The following FBXO6 variants were observed in gnomAD, a reference collection of about 807,000 sequenced individuals.
The protein encoded by FBXO6 is F-box only protein 6.
FBXO6 carries 13 observed loss-of-function variants against 25.0 expected under a neutral mutation model. The ratio of observed to expected loss-of-function variants is 0.52; its 90% CI spans 0.34 to 0.83. The LOEUF is 0.83. FBXO6 is among the 40% of genes least tolerant of loss of function. The pLI, the probability that FBXO6 is intolerant of heterozygous loss-of-function variation, is 0.02. For missense variants in FBXO6, 370 were observed against 380.2 expected (o/e 0.97, Z 0.22); for synonymous variants, 138 against 155.3 (o/e 0.89, Z 0.83).
At chr1:11,670,121 G>A (rs1452681697) in intron 2 of FBXO6, among the ~76,000 whole-genome samples, 1 of 151,052 alleles carries the variant, frequency 6.6e-6, no homozygotes, top group Non-Finnish European at 1.5e-5. Context: ...GCTGAGGCAG[G>A]AGAATAGCGT....
Position 11,673,321 on chromosome 1 carries a change from T to C in FBXO6, c.554T>C (p.Val185Ala). ...ADCGCTYQLK[V>A]QLASADYFVL... ...TGTGGCTGCACCTACCAACTCAAAG[T>C]GCAGCTGGCCTCGGCTGACTACTTC... Residue 185 changes from valine (V) to alanine (A), a missense_variant, in exon 5 of 6, where the codon GTG becomes GCG. Coordinates refer to ENST00000376753, the MANE Select transcript of FBXO6 (RefSeq NM_018438.6). The surrounding 1 kb of genome is among the most constrained non-coding windows in gnomAD (Gnocchi z 4.3). 3 of 1,614,050 alleles carry C rather than the reference T, an allele frequency of 1.9e-6. No individual in the cohort carries two copies. The highest frequency in any genetic ancestry group is 2.5e-6 in the Non-Finnish European group (3 of 1,180,010).
intron 2 of FBXO6, 78 bp downstream of exon 2, chr1:11,669,022 C>G (rs920239921): frequency 1.3e-6 from 2 of 1,532,842 alleles, no homozygotes; most frequent in Non-Finnish European, 1.8e-6. Flanking sequence ...GCAATTCCCA[C>G]ACTACCTGGA....
At chr1:11,672,452 A>AT (rs144280236) in intron 4 of FBXO6, among the ~76,000 whole-genome samples, 48,605 of 151,230 alleles carry the variant, frequency 0.32, 9,308 homozygotes, top group African/African-American at 0.54. Context: ...ACACCCGGCT[A>AT]TTTTTTTTTA....
At chr1:11,668,401 GT>G (rs58492433) in intron 1 of FBXO6, among the ~76,000 whole-genome samples, 269 of 142,524 alleles carry the variant, frequency 1.9e-3, no homozygotes, top group Non-Finnish European at 2.0e-3. Context: ...TCTTTTGTGG[GT>G]TTTTTTTTTT....
chr1:11,669,191 C>A (rs755133130), intron 2 of FBXO6, among the ~76,000 whole-genome samples: 1 of 152,208 alleles, frequency 6.6e-6, no homozygotes, highest in Non-Finnish European at 1.5e-5. Flanking sequence ...TTTCACAAGG[C>A]GCGGTGGCTC....
At chr1:11,672,654 C>T (rs1640653229) in intron 4 of FBXO6, among the ~76,000 whole-genome samples, 1 of 152,156 alleles carries the variant, frequency 6.6e-6, no homozygotes, top group African/African-American at 2.4e-5. Flanking sequence ...GGTGGGAACC[C>T]CCAGGTCCCC....
chr1:11,668,091 CAA>C (rs371283288), intron 1 of FBXO6, among the ~76,000 whole-genome samples: 8 of 122,380 alleles, frequency 6.5e-5, no homozygotes, highest in Non-Finnish European at 6.8e-5. Context: ...GACTCTGTCT[CAA>C]AAAAAAAAAA....
intron 1 of FBXO6, among the ~76,000 whole-genome samples, chr1:11,667,855 G>T (rs557502454): frequency 6.6e-6 from 1 of 152,176 alleles, no homozygotes; most frequent in South Asian, 2.1e-4. Flanking sequence ...CACTTTGGGA[G>T]GCCGAGGTGG....
rs1640670386 is a variant in FBXO6 at position 11,673,106 on chromosome 1, C to T, written c.510-171C>T. The stretch of plus-strand genomic sequence containing the variant: ...CCAGCATGGACAGACAGCTTATCCC[C>T]GGGCCACAGTGGGGCATAGGGAGCG... On this transcript the variant is annotated intron_variant, in intron 4 of 5. Transcript: ENST00000376753. The surrounding 1 kb of genome is among the most constrained non-coding windows in gnomAD (Gnocchi z 4.3). Among the ~76,000 whole-genome samples, 2 of 152,200 alleles carry T rather than the reference C, an allele frequency of 1.3e-5. No homozygotes were observed. Among genetic ancestry groups the T allele is most frequent in the Non-Finnish European group, 2.9e-5 (2 of 68,024 alleles).
chr1:11,669,010 T>A, intron 2 of FBXO6, 66 bp downstream of exon 2: 1 of 1,567,760 alleles, frequency 6.4e-7, no homozygotes, highest in South Asian at 1.2e-5. Context: ...GCCTTGGCAC[T>A]TGCAATTCCC....
Position 11,673,335 on chromosome 1 carries a change from G to C in FBXO6, c.568G>C (p.Ala190Pro). The C allele has an allele frequency of 6.2e-7, 1 of 1,614,062 alleles. No individual in the cohort carries two copies. The highest frequency in any genetic ancestry group is 8.5e-7 in the Non-Finnish European group (1 of 1,180,006). Residue 190 changes from alanine (A) to proline (P), a missense_variant, in exon 5 of 6, where the codon GCT becomes CCT. Physicochemically the swap from Ala to Pro is conservative, Grantham distance 27. Transcript: ENST00000376753. This position sits in a 1 kb window ranked among gnomAD's most constrained non-coding sequence, Gnocchi z 4.3. ...TYQLKVQLASADYFVLASFEP... is the reference protein window; with the variant it reads ...TYQLKVQLASPDYFVLASFEP... Reference sequence around the variant, plus strand: ...CCAACTCAAAGTGCAGCTGGCCTCGGCTGACTACTTCGTGTTGGCCTCCTT... The same window carrying C: ...CCAACTCAAAGTGCAGCTGGCCTCGCCTGACTACTTCGTGTTGGCCTCCTT...
Position 11,668,643 on chromosome 1 carries a change from G to C in FBXO6, c.-3-13G>C. The C allele has an allele frequency of 6.2e-7, 1 of 1,605,294 alleles. No individual in the cohort carries two copies. Among genetic ancestry groups the C allele is most frequent in the Non-Finnish European group, 8.5e-7 (1 of 1,172,926 alleles). ...CTCCCTGGTCAGGCTCATAACTGCT[G>C]TTGCCCCCACAGGCCATGGATGCTC... is the stretch of plus-strand genomic sequence containing the variant. On this transcript the variant is annotated splice_polypyrimidine_tract_variant and intron_variant, in intron 1 of 5. Transcript: ENST00000376753.
In FBXO6 at chr1:11,673,163, G is replaced by C. The variant is rs898371498; in HGVS notation, c.510-114G>C. ...CCAGCTGGGCCTTGCAGGCAGAGCA[G>C]TGTCAGCTGATGGGAGATGAAGCTC... On this transcript the variant is annotated intron_variant, in intron 4 of 5. Coordinates refer to ENST00000376753, the MANE Select transcript of FBXO6 (RefSeq NM_018438.6). This position sits in a 1 kb window ranked among gnomAD's most constrained non-coding sequence, Gnocchi z 4.3. 2.3e-5 allele frequency: 31 copies of C among 1,328,088 alleles called. No homozygotes were observed. The highest frequency in any genetic ancestry group is 2.8e-5 in the Non-Finnish European group (28 of 986,520). 82.3% of individuals were successfully genotyped at this position (1,328,088 alleles called of 1,614,324 possible).
rs1264736093 is a variant in FBXO6 at position 11,671,287 on chromosome 1, T to A, written c.308T>A (p.Ile103Asn). 1 of 1,613,888 alleles carries A rather than the reference T, an allele frequency of 6.2e-7. No individual in the cohort carries two copies. The highest frequency in any genetic ancestry group is 8.5e-7 in the Non-Finnish European group (1 of 1,179,940). Reference protein sequence around the residue: ...CAEEDMFAWQIDFNGGDRWKV... With the variant: ...CAEEDMFAWQNDFNGGDRWKV... ...CTAGAGGATATGTTTGCATGGCAAA[T>A]TGATTTCAATGGTGGGGACCGCTGG... The change falls in exon 3 of 6, where the codon ATT (isoleucine) becomes AAT (asparagine). Residue 103 changes from isoleucine to asparagine, a missense_variant. Ile to Asn is a moderately radical substitution (Grantham distance 149). Transcript: ENST00000376753.
chr1:11,667,830 C>T (rs1456773992), intron 1 of FBXO6, among the ~76,000 whole-genome samples: 2 of 152,162 alleles, frequency 1.3e-5, no homozygotes, highest in Non-Finnish European at 2.9e-5. Flanking sequence ...CGGTGGCTCA[C>T]GCCTGTAATC....
intron 2 of FBXO6, among the ~76,000 whole-genome samples, chr1:11,671,010 G>C (rs1017594679): frequency 9.9e-5 from 15 of 152,254 alleles, no homozygotes; most frequent in Non-Finnish European, 1.8e-4. Flanking sequence ...GGGGTGCTTT[G>C]TAGGGGTGCT....
At chr1:11,668,023 C>T (rs1176909104) in intron 1 of FBXO6, among the ~76,000 whole-genome samples, 2 of 143,994 alleles carry the variant, frequency 1.4e-5, no homozygotes, top group Non-Finnish European at 3.0e-5. Context: ...ACCCAGGAGG[C>T]GGAGGTTGCA....
chr1:11,672,957 T>C (rs567030804), intron 4 of FBXO6, among the ~76,000 whole-genome samples: 1 of 152,326 alleles, frequency 6.6e-6, no homozygotes, highest in African/African-American at 2.4e-5. Flanking sequence ...GCCTGGTCCA[T>C]TGTAAGTACA....
chr1:11,673,154 GGCAGA>G lies in FBXO6; in HGVS notation c.510-118_510-114del. The G allele has an allele frequency of 2.4e-6, 3 of 1,265,466 alleles. No homozygotes were observed. Among genetic ancestry groups the G allele is most frequent in the East Asian group, 2.5e-5 (1 of 39,414 alleles). 78.4% of individuals were successfully genotyped at this position (1,265,466 alleles called of 1,614,324 possible). On this transcript the variant is annotated intron_variant, in intron 4 of 5. Transcript: ENST00000376753. This position sits in a 1 kb window ranked among gnomAD's most constrained non-coding sequence, Gnocchi z 4.3. Reference sequence around the variant, plus strand: ...GCGCTGAAGCCAGCTGGGCCTTGCAGGCAGAGCAGTGTCAGCTGATGGGAGATGAA... The same window carrying G: ...GCGCTGAAGCCAGCTGGGCCTTGCAGGCAGTGTCAGCTGATGGGAGATGAA...
Sources: gnomAD v4.1 joint callset for allele counts (sites outside exome capture counted in the v4.1 genomes callset) on GRCh38, gnomAD v4.1.1 for gene constraint, Gnocchi (gnomAD v3.1) non-coding constraint, MANE v1.5 for transcripts, NCBI Gene and HGNC (gene_info 2026-07-23, HGNC 2026-07-21) for gene names.